The following CCDC7 variants were observed in gnomAD, a reference collection of about 807,000 sequenced individuals.
CCDC7 encodes the protein coiled-coil domain-containing protein 7.
A neutral mutation model predicts 196.9 loss-of-function variants in CCDC7; 183 were observed. The observed-to-expected ratio is 0.93, with a 90% CI of 0.82 to 1.05. The LOEUF (loss-of-function observed/expected upper bound fraction) is 1.05, where lower values mean the gene tolerates loss of function less well. CCDC7 is among the 50% of genes least tolerant of loss of function. The pLI is 0.00. For synonymous variants in CCDC7, 525 were observed against 484.6 expected (o/e 1.08, Z -1.10); for missense variants, 1,540 against 1,482.2 (o/e 1.04, Z -0.64).
chr10:32,471,970 A>G (rs923008507), intron 6 of CCDC7, among the ~76,000 whole-genome samples: 2 of 152,128 alleles, frequency 1.3e-5, no homozygotes, highest in African/African-American at 4.8e-5. Flanking sequence ...TACATGTATA[A>G]TCTTTGATTT....
chr10:32,771,813 G>C (rs952082978), intron 28 of CCDC7, among the ~76,000 whole-genome samples: 3 of 152,244 alleles, frequency 2.0e-5, no homozygotes, highest in African/African-American at 7.2e-5. Context: ...CTGGTTAGCA[G>C]AGTGGTGCAG....
chr10:32,803,430 GC>G (rs1479587893), intron 29 of CCDC7, among the ~76,000 whole-genome samples: 1 of 151,994 alleles, frequency 6.6e-6, no homozygotes, highest in Non-Finnish European at 1.5e-5. Context: ...TCTAGGGTTA[GC>G]TTTTTATATA....
At chr10:32,834,382 G>C (rs1006549626) in intron 32 of CCDC7, among the ~76,000 whole-genome samples, 3 of 151,882 alleles carry the variant, frequency 2.0e-5, no homozygotes, top group African/African-American at 7.3e-5. Flanking sequence ...ACCTCACCAG[G>C]TATATCCATA....
intron 20 of CCDC7, among the ~76,000 whole-genome samples, chr10:32,655,835 C>T (rs931371948): frequency 3.9e-5 from 6 of 152,190 alleles, no homozygotes; most frequent in South Asian, 2.1e-4. Flanking sequence ...GCATTAGCCA[C>T]GATGTCTGGC....
chr10:32,752,975 A>G (rs1290624340), intron 28 of CCDC7, among the ~76,000 whole-genome samples: 1 of 152,152 alleles, frequency 6.6e-6, no homozygotes, highest in Non-Finnish European at 1.5e-5. Context: ...AACTTACAAG[A>G]GATTAATTGA....
chr10:32,563,954 GA>G (rs1275425752), intron 13 of CCDC7, among the ~76,000 whole-genome samples: 3 of 151,938 alleles, frequency 2.0e-5, no homozygotes, highest in African/African-American at 4.8e-5. Context: ...AAATTTACAA[GA>G]AAAAAACAAA....
Position 32,490,475 on chromosome 10 carries a change from A to G in CCDC7, c.797-1447A>G, listed in dbSNP as rs547337220. Among the ~76,000 whole-genome samples the G allele has an allele frequency of 8.5e-5, 13 of 152,312 alleles. No individual in the cohort carries two copies. The South Asian group carries it at 1.2e-3, about 15-fold the overall frequency. ...AGGGCAGAATTTAAAATCGTCTCAT[A>G]TGCTATGATCAGATTACTCTTAAAA... is the stretch of plus-strand genomic sequence containing the variant. On this transcript the variant is annotated intron_variant, in intron 8 of 41. Coordinates refer to ENST00000639629, the Ensembl canonical transcript of CCDC7.
chr10:32,600,998 T>C (rs2060938242), intron 18 of CCDC7, among the ~76,000 whole-genome samples: 2 of 151,736 alleles, frequency 1.3e-5, no homozygotes, highest in South Asian at 4.2e-4. Context: ...TCTTATTTGA[T>C]TTTTTTTTCT....
chr10:32,795,837 G>T (rs534078499), intron 29 of CCDC7, among the ~76,000 whole-genome samples: 1 of 152,258 alleles, frequency 6.6e-6, no homozygotes, highest in Admixed American at 6.5e-5. Flanking sequence ...CTCAAAGTGG[G>T]GGTTCCCAAA....
chr10:32,658,705 C>T (rs187811255), intron 20 of CCDC7, among the ~76,000 whole-genome samples: 167 of 152,218 alleles, frequency 1.1e-3, no homozygotes, highest in African/African-American at 3.3e-3. Context: ...TCAGTTGCAA[C>T]GGCATCGATG....
At chr10:32,658,211 G>A (rs558426774) in intron 20 of CCDC7, among the ~76,000 whole-genome samples, 98 of 152,308 alleles carry the variant, frequency 6.4e-4, no homozygotes, top group African/African-American at 2.3e-3. Flanking sequence ...CTTTATGGCA[G>A]TGCCTCACTA....
At chr10:32,510,594 A>G (rs2135321617) in intron 9 of CCDC7, among the ~76,000 whole-genome samples, 1 of 152,342 alleles carries the variant, frequency 6.6e-6, no homozygotes, top group South Asian at 2.1e-4. Context: ...GATAGATACA[A>G]TAAAAATGTA....
chr10:32,777,270 C>T (rs1333493058), intron 28 of CCDC7, among the ~76,000 whole-genome samples: 2 of 152,146 alleles, frequency 1.3e-5, no homozygotes, highest in Non-Finnish European at 2.9e-5. Context: ...TTTTCTATAT[C>T]CAGTTCACCA....
chr10:32,443,540 T>C (rs548720375), upstream of CCDC7, among the ~76,000 whole-genome samples: 11 of 152,360 alleles, frequency 7.2e-5, no homozygotes, highest in African/African-American at 2.6e-4. Context: ...CTCTCAATGA[T>C]ATCAGCTTTC....
At chr10:32,543,071 T>C (rs554494067) in intron 11 of CCDC7, among the ~76,000 whole-genome samples, 1 of 152,142 alleles carries the variant, frequency 6.6e-6, no homozygotes, top group Non-Finnish European at 1.5e-5. Context: ...TCAGAAAAAT[T>C]TAAATGTTTT....
chr10:32,677,220 TG>T (rs890541070), intron 21 of CCDC7, among the ~76,000 whole-genome samples: 1 of 53,574 alleles, frequency 1.9e-5, no homozygotes, highest in Non-Finnish European at 3.4e-5. Context: ...TGTTGTGGGG[TG>T]GGGGGAGGGG....
In CCDC7 at chr10:32,543,287, T is replaced by A; in HGVS notation, c.994-13T>A. The A allele has an allele frequency of 1.4e-6, 2 of 1,394,960 alleles. No individual in the cohort carries two copies. The highest frequency in any genetic ancestry group is 1.9e-6 in the Non-Finnish European group (2 of 1,055,246). 86.4% of individuals were successfully genotyped at this position (1,394,960 alleles called of 1,614,324 possible). A position where few individuals can be genotyped will look rare whatever the true frequency, so the allele number is the denominator to read the frequency against. ...TTTAACCCTTTATTTCTGGCTTATG[T>A]AAAATTATACAGAAAACTAAGCCTA... On this transcript the variant is annotated splice_polypyrimidine_tract_variant and intron_variant, in intron 11 of 41. Transcript: ENST00000639629.
chr10:32,782,565 GT>G (rs1187138455), intron 29 of CCDC7, among the ~76,000 whole-genome samples: 1 of 152,124 alleles, frequency 6.6e-6, no homozygotes, highest in Non-Finnish European at 1.5e-5. Flanking sequence ...AATACCCAAA[GT>G]GATCTACACC....
intron 33 of CCDC7, among the ~76,000 whole-genome samples, chr10:32,837,738 T>C (rs1593306021): frequency 2.0e-5 from 3 of 152,192 alleles, no homozygotes; most frequent in Middle Eastern, 6.8e-3. Context: ...TGGAATACCA[T>C]GCAGCCATAA....
Sources: allele counts gnomAD v4.1 joint callset (sites outside exome capture counted in the v4.1 genomes callset), GRCh38; gene constraint gnomAD v4.1.1; transcripts MANE v1.5; gene names NCBI Gene and HGNC (gene_info 2026-07-23, HGNC 2026-07-21).